The following FAM135A variants were observed in gnomAD, a reference collection of about 807,000 sequenced individuals.
FAM135A encodes the protein family with sequence similarity 135 member A, also known as protein FAM135A.
A neutral mutation model predicts 146.8 loss-of-function variants in FAM135A; 79 were observed. The ratio of observed to expected loss-of-function variants is 0.54; its 90% CI spans 0.45 to 0.65. FAM135A has a LOEUF of 0.65. FAM135A is among the 30% of genes least tolerant of loss of function. The pLI is 0.00. For synonymous variants in FAM135A, 562 were observed against 603.6 expected (o/e 0.93, Z 1.01); for missense variants, 1,623 against 1,758.2 (o/e 0.92, Z 1.38).
At chr6:70,421,478 A>G (rs1486988362) in intron 2 of FAM135A, among the ~76,000 whole-genome samples, 2 of 152,200 alleles carry the variant, frequency 1.3e-5, no homozygotes, top group Non-Finnish European at 2.9e-5. Context: ...CTTTGAGAGT[A>G]AGCTAACTTT....
At chr6:70,547,698 A>T (rs117829260) in intron 20 of FAM135A, among the ~76,000 whole-genome samples, 4,826 of 152,316 alleles carry the variant, frequency 0.032, 102 homozygotes, top group South Asian at 0.05. Context: ...TTTAGAACAA[A>T]TGAGTAGCCA....
chr6:70,452,401 A>G, intron 4 of FAM135A, 91 bp from the exon 5 acceptor site: 1 of 934,648 alleles, frequency 1.1e-6, no homozygotes, highest in Non-Finnish European at 1.6e-6. Flanking sequence ...GGCCAACTTT[A>G]TTATTTTAAT....
chr6:70,523,645 T>C (rs9294875), intron 13 of FAM135A, among the ~76,000 whole-genome samples: 4,494 of 152,268 alleles, frequency 0.03, 224 homozygotes, highest in African/African-American at 0.1. Context: ...CTCTTATATG[T>C]GATTTGCAGC....
intron 4 of FAM135A, among the ~76,000 whole-genome samples, chr6:70,445,863 C>G (rs913891965): frequency 3.9e-5 from 6 of 152,098 alleles, no homozygotes; most frequent in African/African-American, 1.4e-4. Context: ...GGGGGCTGTT[C>G]CCAACATATC....
chr6:70,522,684 A>G, intron 13 of FAM135A, 98 bp downstream of exon 13: 1 of 872,258 alleles, frequency 1.1e-6, no homozygotes, highest in Non-Finnish European at 1.7e-6. Flanking sequence ...AGTATTAACA[A>G]TATAAGAAAT....
intron 20 of FAM135A, among the ~76,000 whole-genome samples, chr6:70,545,258 C>T (rs1260459969): frequency 1.3e-5 from 2 of 151,948 alleles, no homozygotes; most frequent in Admixed American, 6.6e-5. Flanking sequence ...TTTGTACTCA[C>T]GAGTTTATTA....
chr6:70,440,291 T>C (rs938221043), intron 4 of FAM135A, among the ~76,000 whole-genome samples: 8 of 152,236 alleles, frequency 5.3e-5, no homozygotes, highest in African/African-American at 1.9e-4. Flanking sequence ...TCAGGTGTTA[T>C]ATCAACCTAA....
intron 10 of FAM135A, among the ~76,000 whole-genome samples, chr6:70,486,867 C>G (rs978534067): frequency 6.6e-6 from 1 of 151,956 alleles, no homozygotes; most frequent in African/African-American, 2.4e-5. Context: ...GTGGAGATTG[C>G]AGTGAGCCGA....
chr6:70,538,451 AAAAT>A, intron 20 of FAM135A, 50 bp downstream of exon 20: 1 of 1,039,728 alleles, frequency 9.6e-7, no homozygotes, highest in Non-Finnish European at 1.3e-6. Flanking sequence ...AACTTTTTAA[AAAAT>A]AAACATTTAG....
rs1450143628 is a variant in FAM135A, at chr6:70,526,873, A to G, written c.3614+175A>G. The stretch of plus-strand genomic sequence containing the variant: ...TTTTGTTGTCTGGTTTCTGTAATAC[A>G]AAAGTGCTTCTTTGATGACTATCCG... On this transcript the variant is annotated intron_variant, in intron 15 of 21. Transcript: ENST00000418814. Among the ~76,000 whole-genome samples, 6 of 151,846 alleles carry G rather than the reference A, an allele frequency of 4.0e-5. No individual in the cohort carries two copies. The South Asian group carries it at 1.0e-3, about 26-fold the overall frequency.
intron 4 of FAM135A, among the ~76,000 whole-genome samples, chr6:70,431,350 A>C (rs1306873055): frequency 6.6e-6 from 1 of 152,242 alleles, no homozygotes; most frequent in Non-Finnish European, 1.5e-5. Context: ...ATGCACAGTC[A>C]GATGGCAGAT....
intron 12 of FAM135A, among the ~76,000 whole-genome samples, chr6:70,513,113 T>C (rs149082998): frequency 9.2e-5 from 14 of 151,886 alleles, no homozygotes; most frequent in African/African-American, 3.1e-4. Context: ...TTGACCTTTT[T>C]TCCTGTTGCA....
intron 12 of FAM135A, among the ~76,000 whole-genome samples, chr6:70,508,947 A>G (rs915504435): frequency 6.6e-6 from 1 of 152,218 alleles, no homozygotes; most frequent in Non-Finnish European, 1.5e-5. Context: ...TCCTTGCTCA[A>G]GAAGAAAACA....
At chr6:70,423,479 C>T (rs973031314) in intron 2 of FAM135A, among the ~76,000 whole-genome samples, 5 of 152,082 alleles carry the variant, frequency 3.3e-5, no homozygotes, top group African/African-American at 1.2e-4. Context: ...TTTTGCTTTA[C>T]CGTTCTTGAG....
intron 5 of FAM135A, among the ~76,000 whole-genome samples, chr6:70,466,343 CATT>C (rs1780478572): frequency 1.3e-5 from 2 of 152,116 alleles, no homozygotes; most frequent in South Asian, 4.2e-4. Context: ...ATAGTTTTAT[CATT>C]ATGAGTGCAT....
rs567666759 is a variant in FAM135A at position 70,437,072 on chromosome 6, C to CTA, written c.77+8664_77+8665dup. Among the ~76,000 whole-genome samples the CTA allele has an allele frequency of 3.4e-4, 52 of 151,948 alleles. 1 individual carries two copies. The highest frequency in any genetic ancestry group is 2.1e-3 in the South Asian group (10 of 4,812). Reference sequence around the variant, plus strand: ...TGAAACAAATTTGTGTATTTATTAACTATATATATATAATACTGTGTTTCT... The same window carrying CTA: ...TGAAACAAATTTGTGTATTTATTAACTATATATATATATAATACTGTGTTTCT... On this transcript the variant is annotated intron_variant, in intron 4 of 21. Coordinates refer to ENST00000418814, the MANE Select transcript of FAM135A (RefSeq NM_001162529.3).
At position 70,455,381 on chromosome 6, in the gene FAM135A, TACACACACACACACAC is replaced by T. The variant is rs34915267; in HGVS notation, c.157+2827_157+2842del. Reference sequence around the variant, plus strand: ...ACAGAGGTCTGTTGCTTATGACAAATACACACACACACACACACACACACACACACACGTATATATA... The same window carrying T: ...ACAGAGGTCTGTTGCTTATGACAAATACACACACACACACACGTATATATA... On this transcript the variant is annotated intron_variant, in intron 5 of 21. Coordinates refer to ENST00000418814, the MANE Select transcript of FAM135A (RefSeq NM_001162529.3). 3.8e-4 allele frequency among the ~76,000 whole-genome samples: 56 copies of T among 146,156 alleles called. No homozygotes were observed. In the East Asian group the frequency reaches 6.7e-3, roughly 18 times the overall value.
chr6:70,514,036 A>G (rs534707116), intron 12 of FAM135A, among the ~76,000 whole-genome samples: 16 of 150,860 alleles, frequency 1.1e-4, no homozygotes, highest in African/African-American at 3.4e-4. Flanking sequence ...ATATTCTTGG[A>G]GCTCTAGGTT....
At chr6:70,484,776 G>A (rs932595741) in intron 10 of FAM135A, among the ~76,000 whole-genome samples, 11 of 152,234 alleles carry the variant, frequency 7.2e-5, no homozygotes, top group African/African-American at 2.7e-4. Context: ...GTGCAGTCCA[G>A]TTCCTAACAG....
Sources: allele counts gnomAD v4.1 joint callset (sites outside exome capture counted in the v4.1 genomes callset), GRCh38; gene constraint gnomAD v4.1.1; transcripts MANE v1.5; gene names NCBI Gene and HGNC (gene_info 2026-07-23, HGNC 2026-07-21).